BCO2: variants seen among roughly 807,000 people sequenced by gnomAD.
The protein encoded by BCO2 is beta-carotene oxygenase 2.
A neutral mutation model predicts 65.8 loss-of-function variants in BCO2; 56 were observed. That is an observed-to-expected ratio of 0.85 (90% CI 0.69 to 1.06). The LOEUF (loss-of-function observed/expected upper bound fraction) is 1.06, where lower values mean the gene tolerates loss of function less well. Among genes scored for constraint, BCO2 ranks in the 50% least tolerant of loss-of-function variants. The probability of loss-of-function intolerance (pLI) is 0.00; values close to 1 mark genes in which losing one functional copy is unlikely to be tolerated. For synonymous variants in BCO2, 233 were observed against 242.3 expected, an observed-to-expected ratio of 0.96 and a Z score of 0.36; for missense variants, 675 against 698.5, an observed-to-expected ratio of 0.97 and a Z score of 0.38.
intron 1 of BCO2, among the ~76,000 whole-genome samples, chr11:112,177,909 C>CTTTT (rs11460820): frequency 1.5e-5 from 2 of 135,386 alleles, no homozygotes; most frequent in African/African-American, 2.7e-5. Flanking sequence ...ATGGAATTTG[C>CTTTT]TTTTTTTTTT....
intron 2 of BCO2, among the ~76,000 whole-genome samples, chr11:112,180,144 C>T: frequency 6.6e-6 from 1 of 152,170 alleles, no homozygotes; most frequent in East Asian, 1.9e-4. Flanking sequence ...TCTTTTAAAT[C>T]ATCTCTAAAT....
At chr11:112,183,739 A>G (rs1859480681) in intron 2 of BCO2, among the ~76,000 whole-genome samples, 1 of 152,198 alleles carries the variant, frequency 6.6e-6, no homozygotes, top group African/African-American at 2.4e-5. Flanking sequence ...CAGACTCCTT[A>G]AGACTCTTTT....
intron 5 of BCO2, 121 bp downstream of exon 5, chr11:112,194,876 C>T (rs1867524020): frequency 1.7e-6 from 1 of 596,970 alleles, no homozygotes; most frequent in Admixed American, 3.2e-5. Flanking sequence ...CTCTGGACAC[C>T]TCTACACCCA....
chr11:112,180,687 G>A (rs768153572), intron 2 of BCO2: 25 of 761,376 alleles, frequency 3.3e-5, no homozygotes, highest in Non-Finnish European at 4.2e-5. Flanking sequence ...GTGGGTGGAG[G>A]GGGGGAAGGG....
chr11:112,217,516 C>T (rs1859714508), intron 11 of BCO2, among the ~76,000 whole-genome samples: 1 of 152,172 alleles, frequency 6.6e-6, no homozygotes, highest in African/African-American at 2.4e-5. Context: ...TGTGCACCAC[C>T]ACGCCTGGTT....
intron 10 of BCO2, 163 bp downstream of exon 10, chr11:112,215,107 T>A: frequency 1.5e-6 from 1 of 671,410 alleles, no homozygotes; most frequent in Non-Finnish European, 2.5e-6. Context: ...AGGGGTATGT[T>A]CCTTCTAGGG....
At chr11:112,187,490 C>T (rs1461554371) in intron 2 of BCO2, among the ~76,000 whole-genome samples, 1 of 151,014 alleles carries the variant, frequency 6.6e-6, no homozygotes, top group Non-Finnish European at 1.5e-5. Context: ...AGTGTTCTTT[C>T]CATCTTCTCA....
intron 8 of BCO2, among the ~76,000 whole-genome samples, chr11:112,210,275 T>C (rs1859468382): frequency 6.6e-6 from 1 of 152,210 alleles, no homozygotes; most frequent in African/African-American, 2.4e-5. Context: ...TTTATTTTGG[T>C]TTTTAATCAT....
chr11:112,183,650 G>A (rs1867120346), intron 2 of BCO2, among the ~76,000 whole-genome samples: 1 of 152,176 alleles, frequency 6.6e-6, no homozygotes, highest in Non-Finnish European at 1.5e-5. Flanking sequence ...ACTTGGTAAA[G>A]GTTGTTTAGG....
chr11:112,193,088 C>T (rs1390056916), intron 2 of BCO2, among the ~76,000 whole-genome samples: 1 of 151,052 alleles, frequency 6.6e-6, no homozygotes, highest in Admixed American at 6.6e-5. Context: ...CGCCATTCTC[C>T]TGCCTTAGCC....
intron 2 of BCO2, chr11:112,182,866 G>A: frequency 1.8e-6 from 2 of 1,096,480 alleles, no homozygotes; most frequent in Non-Finnish European, 1.4e-6. Context: ...AAGATGCTCT[G>A]TTCTAATGTG....
chr11:112,204,741 C>T (rs974865588), intron 8 of BCO2, among the ~76,000 whole-genome samples: 2 of 152,084 alleles, frequency 1.3e-5, no homozygotes, highest in Admixed American at 6.5e-5. Flanking sequence ...GGCGTGATCT[C>T]GTCTCACTGC....
intron 2 of BCO2, chr11:112,182,743 A>G (rs1456270636): frequency 2.7e-5 from 15 of 547,164 alleles, no homozygotes; most frequent in Non-Finnish European, 3.2e-5. Context: ...TAGGAGATAT[A>G]CCTAATGTAA....
intron 4 of BCO2, chr11:112,194,344 T>G (rs936950517): frequency 1.2e-5 from 5 of 406,204 alleles, no homozygotes; most frequent in African/African-American, 1.1e-4. Context: ...ACATGTTAAT[T>G]AAAAAGAAAA....
At chr11:112,177,909 CTTT>C (rs11460820) in intron 1 of BCO2, among the ~76,000 whole-genome samples, 2 of 135,348 alleles carry the variant, frequency 1.5e-5, no homozygotes, top group East Asian at 2.2e-4. Flanking sequence ...ATGGAATTTG[CTTT>C]TTTTTTTTTT....
chr11:112,199,021 C>T (rs1055079237), intron 5 of BCO2, among the ~76,000 whole-genome samples: 3 of 152,126 alleles, frequency 2.0e-5, no homozygotes, highest in Admixed American at 2.0e-4. Flanking sequence ...AGGTTTGTTA[C>T]ATAGGTATAC....
chr11:112,176,145 C>T (rs1162219405), intron 1 of BCO2: 1 of 155,454 alleles, frequency 6.4e-6, no homozygotes, highest in Middle Eastern at 3.4e-3. Flanking sequence ...ATTGGCTGAT[C>T]TAGAGCTTTC....
chr11:112,193,929 T>C lies in BCO2; in HGVS notation c.568T>C (p.Tyr190His). ...CTATGTGCGGTACAAGGGTGATTAC[T>C]ACCTCTGCACTGAGACCAACTTTAT... Reference protein sequence around the residue: ...VNYVRYKGDYYLCTETNFMNK... With the variant: ...VNYVRYKGDYHLCTETNFMNK... The change falls in exon 4 of 12, where the codon TAC becomes CAC. Residue 190 changes from tyrosine (Y) to histidine (H), a missense_variant. Physicochemically the swap from Tyr to His is moderately conservative, Grantham distance 83. Transcript: ENST00000357685. 1 of 1,613,382 alleles carries C rather than the reference T, an allele frequency of 6.2e-7. No homozygotes were observed. Among genetic ancestry groups the C allele is most frequent in the Non-Finnish European group, 8.5e-7 (1 of 1,179,340 alleles).
At chr11:112,195,188 T>G (rs911435009) in intron 5 of BCO2, among the ~76,000 whole-genome samples, 35 of 63,200 alleles carry the variant, frequency 5.5e-4, no homozygotes, top group Non-Finnish European at 8.4e-5. Context: ...CAGGCAGGAG[T>G]GCAGTGGCGC....
Sources: gnomAD v4.1 joint callset for allele counts (sites outside exome capture counted in the v4.1 genomes callset) on GRCh38, gnomAD v4.1.1 for gene constraint, MANE v1.5 for transcripts, NCBI Gene and HGNC (gene_info 2026-07-23, HGNC 2026-07-21) for gene names.